TAF1: variants seen among roughly 807,000 people sequenced by gnomAD.
TAF1 encodes TATA-box binding protein associated factor 1, also known as transcription initiation factor TFIID subunit 1.
Under a neutral mutation model 138.5 loss-of-function variants are expected in TAF1, and 2 were observed. The observed-to-expected ratio is 0.01, with a 90% CI of 0.01 to 0.05. The LOEUF is 0.05. TAF1 is among the 10% of genes least tolerant of loss of function. The probability of loss-of-function intolerance (pLI) is 1.00; values close to 1 mark genes in which losing one functional copy is unlikely to be tolerated. For synonymous variants in TAF1, 437 were observed against 503.2 expected (o/e 0.87, Z 1.76); for missense variants, 709 against 1,478.0 (o/e 0.48, Z 8.53).
intron 1 of TAF1, 146 bp downstream of exon 1, chrX:71,366,640 G>A: frequency 1.6e-6 from 1 of 627,667 alleles, no homozygotes; most frequent in Non-Finnish European, 2.4e-6. Context: ...ATGGGTGCGG[G>A]AGCAACGTGG....
chrX:71,524,647 A>G (rs1210939570), intron 13 of TAF1, among the ~76,000 whole-genome samples: 1 of 103,987 alleles, frequency 9.6e-6, no homozygotes, highest in African/African-American at 3.5e-5. Context: ...CCTGTTTCTA[A>G]AAAAAAAAAA....
intron 13 of TAF1, among the ~76,000 whole-genome samples, chrX:71,483,800 A>ATATATG (rs1212478893): frequency 1.0e-5 from 1 of 97,632 alleles, no homozygotes; most frequent in East Asian, 3.1e-4. Context: ...ATATATATAT[A>ATATATG]TATACACACA....
chrX:71,526,464 G>A (rs2039999085), intron 13 of TAF1, among the ~76,000 whole-genome samples: 2 of 112,009 alleles, frequency 1.8e-5, no homozygotes, highest in African/African-American at 6.5e-5. Flanking sequence ...AGATTTTTAT[G>A]TGCAAGGCCA....
chrX:71,474,063 T>G (rs922479590), intron 13 of TAF1, among the ~76,000 whole-genome samples: 3 of 110,473 alleles, frequency 2.7e-5, no homozygotes, highest in African/African-American at 9.9e-5. Context: ...GAGAATCGCT[T>G]GAAACCGGGA....
chrX:71,369,526 A>G (rs772350883), intron 3 of TAF1, among the ~76,000 whole-genome samples: 1 of 111,792 alleles, frequency 8.9e-6, no homozygotes, highest in Admixed American at 9.5e-5. Context: ...AGCTAGTAGT[A>G]GACTGACTAA....
At chrX:71,508,208 C>T (rs1198211090) in intron 13 of TAF1, among the ~76,000 whole-genome samples, 1 of 106,254 alleles carries the variant, frequency 9.4e-6, no homozygotes, top group Admixed American at 1.0e-4. Context: ...GTGGTATATG[C>T]GATGATAGAT....
Position 71,379,039 on chromosome X carries a change from T to G in TAF1, c.1360+8T>G. On this transcript the variant is annotated splice_region_variant and intron_variant, in intron 8 of 37. Transcript: ENST00000423759. ...CTTACAATGTTCAGCAAGGTGTGCT[T>G]CTGTGCCAGCTGTGTCTAGCAGATA... 8.3e-7 allele frequency: 1 copy of G among 1,206,347 alleles called. No individual in the cohort carries two copies. Among genetic ancestry groups the G allele is most frequent in the Non-Finnish European group, 1.1e-6 (1 of 891,716 alleles).
chrX:71,417,904 T>TA (rs1221079981), intron 28 of TAF1, among the ~76,000 whole-genome samples: 1 of 111,708 alleles, frequency 9.0e-6, no homozygotes, highest in East Asian at 2.8e-4. Context: ...GTTAGACACA[T>TA]ACAGAAATAA....
At chrX:71,484,240 C>T (rs767671047) in intron 13 of TAF1, among the ~76,000 whole-genome samples, 1 of 111,498 alleles carries the variant, frequency 9.0e-6, no homozygotes, top group Non-Finnish European at 1.9e-5. Context: ...ATGTTTGAGT[C>T]TCCTGGACTC....
intron 13 of TAF1, among the ~76,000 whole-genome samples, chrX:71,516,120 G>A (rs1048443064): frequency 9.1e-6 from 1 of 109,762 alleles, no homozygotes; most frequent in Non-Finnish European, 1.9e-5. Context: ...GAAGTGCAAC[G>A]GTGCAATCTC....
chrX:71,516,011 T>G (rs1321603976), intron 13 of TAF1, among the ~76,000 whole-genome samples: 5 of 110,503 alleles, frequency 4.5e-5, no homozygotes, highest in Non-Finnish European at 9.4e-5. Context: ...AGAAGGGTTG[T>G]CAACAGGGGT....
intron 32 of TAF1, among the ~76,000 whole-genome samples, chrX:71,427,498 C>T (rs1218818165): frequency 1.8e-5 from 2 of 111,632 alleles, no homozygotes; most frequent in African/African-American, 6.5e-5. Context: ...ATAGGGCAGA[C>T]TTAACAAGGA....
chrX:71,501,291 C>T (rs2039501350), intron 13 of TAF1, among the ~76,000 whole-genome samples: 1 of 110,776 alleles, frequency 9.0e-6, no homozygotes, highest in Admixed American at 9.7e-5. Flanking sequence ...GATAGTGTCC[C>T]CCCACTGACA....
At chrX:71,397,163 T>A in intron 22 of TAF1, 90 bp from the exon 23 acceptor site, 1 of 962,380 alleles carries the variant, frequency 1.0e-6, no homozygotes. Context: ...TTGTGGCATG[T>A]TGAACTTTGA....
intron 23 of TAF1, among the ~76,000 whole-genome samples, chrX:71,397,925 A>C (rs1444297809): frequency 8.9e-6 from 1 of 112,025 alleles, no homozygotes; most frequent in African/African-American, 3.2e-5. Context: ...TCTTGCCTTT[A>C]GATTGGGTTT....
Position 71,393,609 on chromosome X carries a change from GTA to G in TAF1, c.3227+137_3227+138del, listed in dbSNP as rs754878988. 8 of 896,857 alleles carry G rather than the reference GTA, an allele frequency of 8.9e-6. No individual in the cohort carries two copies. In the East Asian group the frequency reaches 2.8e-4, roughly 32 times the overall value. The allele number at this position is 896,857 out of a possible 1,213,427, so 73.9% of individuals were successfully genotyped here. A position where few individuals can be genotyped will look rare whatever the true frequency, so the allele number is the denominator to read the frequency against. ...GTCAGATATCTGACATGTCAGGGTA[GTA>G]TATGTTTGTAATCCCACCACCAGAT... On this transcript the variant is annotated intron_variant, in intron 21 of 37. Coordinates refer to ENST00000423759, the MANE Select transcript of TAF1 (RefSeq NM_004606.5).
chrX:71,421,938 G>T (rs974835153), intron 29 of TAF1, among the ~76,000 whole-genome samples: 1 of 112,030 alleles, frequency 8.9e-6, no homozygotes, highest in African/African-American at 3.2e-5. Flanking sequence ...TTATTGAGGA[G>T]ATGCAAATTT....
Position 71,464,164 on chromosome X carries a change from C to A in TAF1, c.*118C>A. 3.2e-6 allele frequency: 2 copies of A among 633,653 alleles called. No individual in the cohort carries two copies. Among genetic ancestry groups the A allele is most frequent in the Non-Finnish European group, 4.8e-6 (2 of 416,391 alleles). 52.2% of individuals were successfully genotyped at this position (633,653 alleles called of 1,213,427 possible). ...ATCCTGAAATCATGAAATTAACTAA[C>A]ACCTTAGCCTTTTTAAAAGTAGTAA... On this transcript the variant is annotated 3_prime_UTR_variant, in exon 38 of 38. Coordinates refer to ENST00000423759, the MANE Select transcript of TAF1 (RefSeq NM_004606.5).
intron 32 of TAF1, among the ~76,000 whole-genome samples, chrX:71,439,456 AC>A (rs2148704116): frequency 8.9e-6 from 1 of 111,764 alleles, no homozygotes; most frequent in East Asian, 2.8e-4. Flanking sequence ...CTTTTAAAAA[AC>A]AAAAAAGCAA....
Sources: gnomAD v4.1 joint callset for allele counts (sites outside exome capture counted in the v4.1 genomes callset) on GRCh38, gnomAD v4.1.1 for gene constraint, MANE v1.5 for transcripts, NCBI Gene and HGNC (gene_info 2026-07-23, HGNC 2026-07-21) for gene names.